CROCC2: variants seen among roughly 807,000 people sequenced by gnomAD.
The protein encoded by CROCC2 is ciliary rootlet coiled-coil, rootletin family member 2, also known as ciliary rootlet coiled-coil protein 2.
In CROCC2, 163 loss-of-function variants were observed where a neutral mutation model predicts 177.6. The ratio of observed to expected loss-of-function variants is 0.92; its 90% CI spans 0.81 to 1.05. The LOEUF is 1.05. CROCC2 is among the 50% of genes least tolerant of loss of function. The probability of loss-of-function intolerance (pLI) is 0.00; values close to 1 mark genes in which losing one functional copy is unlikely to be tolerated. For synonymous variants in CROCC2, 904 were observed against 787.3 expected (o/e 1.15, Z -2.48); for missense variants, 1,929 against 1,797.8 (o/e 1.07, Z -1.32).
At chr2:240,940,932 A>C (rs1446090381) in intron 14 of CROCC2, among the ~76,000 whole-genome samples, 1 of 152,146 alleles carries the variant, frequency 6.6e-6, no homozygotes, top group Non-Finnish European at 1.5e-5. Flanking sequence ...TGATATAATC[A>C]TATACCTAAA....
intron 18 of CROCC2, 23 bp from the exon 19 acceptor site, chr2:240,955,836 C>A: frequency 2.0e-6 from 3 of 1,511,664 alleles, no homozygotes; most frequent in Non-Finnish European, 2.7e-6. Context: ...AACTTTCTCA[C>A]AAGCATACCC....
rs1331627521 is a variant in CROCC2 at position 240,931,048 on chromosome 2, G to A, written c.867G>A (p.Gly289=). The change falls in exon 7 of 32, where the codon GGG becomes GGA. Residue 289 remains glycine (G), a synonymous_variant. Coordinates refer to ENST00000690015, the MANE Select transcript of CROCC2 (RefSeq NM_001351305.2). Reference sequence around the variant, plus strand: ...CCAGCAGCACGGCCAGCACCCTGGGGCAGCAGCTTCGGGACAAGGCTGGGG... The same window carrying A: ...CCAGCAGCACGGCCAGCACCCTGGGACAGCAGCTTCGGGACAAGGCTGGGG... ...LSASSTASTL[G]QQLRDKAGEM... 1.4e-5 allele frequency: 10 copies of A among 716,590 alleles called. No homozygotes were observed. The highest frequency in any genetic ancestry group is 7.0e-5 in the African/African-American group (4 of 57,256). 44.4% of individuals were successfully genotyped at this position (716,590 alleles called of 1,614,324 possible). A position where few individuals can be genotyped will look rare whatever the true frequency, so the allele number is the denominator to read the frequency against.
intron 3 of CROCC2, among the ~76,000 whole-genome samples, chr2:240,921,954 C>A (rs186236473): frequency 7.2e-5 from 11 of 152,274 alleles, no homozygotes; most frequent in Non-Finnish European, 1.5e-5. Flanking sequence ...GGGCAGTGGG[C>A]CCACATCATG....
At chr2:240,910,234 C>T (rs2059278712) in intron 1 of CROCC2, among the ~76,000 whole-genome samples, 2 of 152,102 alleles carry the variant, frequency 1.3e-5, no homozygotes, top group South Asian at 4.1e-4. Context: ...CTGTGACTGC[C>T]TTGAGGGGTG....
In CROCC2 at chr2:240,982,649, C is replaced by G. The variant is rs1405488916; in HGVS notation, c.4402-231C>G. ...TCTTTGCCCACGCTAGACCAGACCCCCAGGACTTTCGTCTCAGGCTTCCTG... is the reference window on the plus strand; with the variant it reads ...TCTTTGCCCACGCTAGACCAGACCCGCAGGACTTTCGTCTCAGGCTTCCTG... On this transcript the variant is annotated intron_variant, in intron 27 of 31. Transcript: ENST00000690015. The surrounding 1 kb of genome is among the most constrained non-coding windows in gnomAD (Gnocchi z 4.7). The G allele has an allele frequency of 2.1e-6, 1 of 476,748 alleles. No homozygotes were observed. Among genetic ancestry groups the G allele is most frequent in the African/African-American group, 2.0e-5 (1 of 50,490 alleles). The allele number at this position is 476,748 out of a possible 1,614,324, so 29.5% of individuals were successfully genotyped here.
intron 17 of CROCC2, among the ~76,000 whole-genome samples, 153 bp from the exon 18 acceptor site, chr2:240,950,181 G>C (rs1029045705): frequency 1.3e-5 from 2 of 152,114 alleles, no homozygotes; most frequent in Admixed American, 1.3e-4. Flanking sequence ...TGACCCTGAG[G>C]GGAAGACGTG....
chr2:240,978,229 G>T (rs1159565367), intron 27 of CROCC2, among the ~76,000 whole-genome samples: 3 of 53,852 alleles, frequency 5.6e-5, no homozygotes, highest in African/African-American at 1.2e-4. Flanking sequence ...AGTCTCTGGG[G>T]TAGGAGCCTC....
chr2:240,958,705 C>A lies in CROCC2; in HGVS notation c.2944-596C>A. The A allele has an allele frequency of 3.8e-6, 2 of 530,298 alleles. No homozygotes were observed. The highest frequency in any genetic ancestry group is 8.0e-5 in the South Asian group (1 of 12,432). The allele number at this position is 530,298 out of a possible 1,614,324, so 32.8% of individuals were successfully genotyped here. A position where few individuals can be genotyped will look rare whatever the true frequency, so the allele number is the denominator to read the frequency against. On this transcript the variant is annotated intron_variant, in intron 19 of 31. Transcript: ENST00000690015. The surrounding 1 kb of genome is among the most constrained non-coding windows in gnomAD (Gnocchi z 6.7). ...GACACTGAGGCCCAGGAAGCTGAGA[C>A]CCCCTGAGCCCCATCTGCCCTGCTG...
chr2:240,988,621 A>G, intron 28 of CROCC2, 118 bp from the exon 29 acceptor site: 1 of 1,098,754 alleles, frequency 9.1e-7, no homozygotes, highest in Non-Finnish European at 1.2e-6. Context: ...TGACGCTGCC[A>G]GCTCTTAGGG....
chr2:240,951,895 C>T (rs1440815331), intron 18 of CROCC2, among the ~76,000 whole-genome samples: 2 of 152,198 alleles, frequency 1.3e-5, no homozygotes, highest in African/African-American at 4.8e-5. Context: ...ATCCCATCAG[C>T]AGTTGAGACT....
intron 14 of CROCC2, among the ~76,000 whole-genome samples, chr2:240,945,841 A>G (rs1242956173): frequency 6.6e-6 from 1 of 151,990 alleles, no homozygotes; most frequent in Non-Finnish European, 1.5e-5. Flanking sequence ...GCCCAGTTCA[A>G]TACCATCTCC....
At position 240,922,390 on chromosome 2, in the gene CROCC2, G is replaced by A. The variant is rs1373025307; in HGVS notation, c.382-149G>A. 7.1e-6 allele frequency: 4 copies of A among 562,278 alleles called. No homozygotes were observed. The East Asian group carries it at 9.3e-5, about 13-fold the overall frequency. 34.8% of individuals were successfully genotyped at this position (562,278 alleles called of 1,614,324 possible). A position where few individuals can be genotyped will look rare whatever the true frequency, so the allele number is the denominator to read the frequency against. On this transcript the variant is annotated intron_variant, in intron 3 of 31. Transcript: ENST00000690015. ...GGGTTCATTGTGTGGAAGGGCCTGG[G>A]CCTCACCAGACCCAACCCCAGCCCC...
At chr2:240,914,213 G>A (rs1166320982) in intron 1 of CROCC2, among the ~76,000 whole-genome samples, 1 of 152,204 alleles carries the variant, frequency 6.6e-6, no homozygotes, top group Non-Finnish European at 1.5e-5. Flanking sequence ...GCGCGAGTGG[G>A]GGCCCAAGGC....
Position 240,972,677 on chromosome 2 carries a change from G to A in CROCC2, c.4401+4415G>A, listed in dbSNP as rs2059730003. Among the ~76,000 whole-genome samples the A allele has an allele frequency of 6.6e-6, 1 of 151,768 alleles. No individual in the cohort carries two copies. Among genetic ancestry groups the A allele is most frequent in the Non-Finnish European group, 1.5e-5 (1 of 67,992 alleles). On this transcript the variant is annotated intron_variant, in intron 27 of 31. Transcript: ENST00000690015. This position sits in a 1 kb window ranked among gnomAD's most constrained non-coding sequence, Gnocchi z 7.1. ...ATTTGCTCAACTTTTTTAGTGAAATGTGCTAAAATCTATCATTATGGTGTC... is the reference window on the plus strand; with the variant it reads ...ATTTGCTCAACTTTTTTAGTGAAATATGCTAAAATCTATCATTATGGTGTC...
In CROCC2 at chr2:240,972,400, A is replaced by C. The variant is rs530724695; in HGVS notation, c.4401+4138A>C. Among the ~76,000 whole-genome samples, 1 of 151,248 alleles carries C rather than the reference A, an allele frequency of 6.6e-6. No homozygotes were observed. The highest frequency in any genetic ancestry group is 2.0e-4 in the East Asian group (1 of 5,092). On this transcript the variant is annotated intron_variant, in intron 27 of 31. Transcript: ENST00000690015. The surrounding 1 kb of genome is among the most constrained non-coding windows in gnomAD (Gnocchi z 7.1). ...GTGCACGGTCACGGTGCGGTCCTCC[A>C]CCTCCCCAGCTGCTTGCCTCACAGG...
chr2:240,933,458 G>A (rs377169110), intron 10 of CROCC2, 116 bp downstream of exon 10: 5 of 1,202,434 alleles, frequency 4.2e-6, no homozygotes, highest in African/African-American at 3.1e-5. Flanking sequence ...CCGGGGAGGG[G>A]TCCTTGCCTT....
In CROCC2 at chr2:240,964,583, A is replaced by T; in HGVS notation, c.3423A>T (p.Ala1141=). Residue 1141 remains alanine, a synonymous_variant, in exon 22 of 32, where the codon GCA becomes GCT. Coordinates refer to ENST00000690015, the MANE Select transcript of CROCC2 (RefSeq NM_001351305.2). ...LRAHLWELEQ[A]GGDARQELRE... ...CCCACCTGTGGGAGCTGGAGCAGGC[A>T]GGGGGGGACGCCCGTCAGGAGCTCC... 5 of 1,549,554 alleles carry T rather than the reference A, an allele frequency of 3.2e-6. No homozygotes were observed. The highest frequency in any genetic ancestry group is 4.4e-6 in the Non-Finnish European group (5 of 1,146,770).
chr2:240,921,997 G>A (rs2059359734), intron 3 of CROCC2, among the ~76,000 whole-genome samples: 1 of 152,226 alleles, frequency 6.6e-6, no homozygotes, highest in Non-Finnish European at 1.5e-5. Flanking sequence ...TAGGTGAGGT[G>A]CTGGACTCAG....
intron 4 of CROCC2, among the ~76,000 whole-genome samples, chr2:240,924,530 G>A (rs186810347): frequency 5.1e-4 from 1 of 1,976 alleles, no homozygotes; most frequent in Non-Finnish European, 7.1e-4. Flanking sequence ...ACACTAACCC[G>A]GCCCCCACAC....
Sources: allele counts gnomAD v4.1 joint callset (sites outside exome capture counted in the v4.1 genomes callset), GRCh38; gene constraint gnomAD v4.1.1; non-coding constraint Gnocchi (gnomAD v3.1); transcripts MANE v1.5; gene names NCBI Gene and HGNC (gene_info 2026-07-23, HGNC 2026-07-21).